TRIP11: variants seen among roughly 807,000 people sequenced by gnomAD.
The protein encoded by TRIP11 is thyroid hormone receptor interactor 11, also known as thyroid receptor-interacting protein 11.
A neutral mutation model predicts 223.1 loss-of-function variants in TRIP11; 148 were observed. The observed-to-expected ratio is 0.66, with a 90% CI of 0.58 to 0.76. The LOEUF is 0.76. Among genes scored for constraint, TRIP11 ranks in the 30% least tolerant of loss-of-function variants. The probability of loss-of-function intolerance (pLI) is 0.00; values close to 1 mark genes in which losing one functional copy is unlikely to be tolerated. For synonymous variants in TRIP11, 762 were observed against 772.6 expected, an observed-to-expected ratio of 0.99 and a Z score of 0.23; for missense variants, 2,043 against 2,222.0, an observed-to-expected ratio of 0.92 and a Z score of 1.62.
rs1015650811 is a variant in TRIP11, at chr14:92,037,659, C to T, written c.139+1888G>A. On this transcript the variant is annotated intron_variant, in intron 1 of 20. Transcript: ENST00000267622. This position sits in a 1 kb window ranked among gnomAD's most constrained non-coding sequence, Gnocchi z 4.2. ...GAGGCCAAGGCAGGAGGATCACCTG[C>T]GGTCTCAGGAGTTCGAGATCAGCCT... Among the ~76,000 whole-genome samples the T allele has an allele frequency of 3.3e-5, 5 of 152,070 alleles. No individual in the cohort carries two copies. The highest frequency in any genetic ancestry group is 2.1e-4 in the South Asian group (1 of 4,828).
intron 11 of TRIP11, among the ~76,000 whole-genome samples, chr14:92,002,862 T>C (rs1388962030): frequency 1.1e-4 from 17 of 152,156 alleles, no homozygotes; most frequent in Admixed American, 1.1e-3. Flanking sequence ...ATTACAGGCA[T>C]GAGCCACCGC....
chr14:92,018,482 CAAAGCT>C (rs1225302649), intron 4 of TRIP11, among the ~76,000 whole-genome samples: 1 of 151,952 alleles, frequency 6.6e-6, no homozygotes, highest in Non-Finnish European at 1.5e-5. Flanking sequence ...TCTTCTCATT[CAAAGCT>C]GTATGTTGTT....
chr14:92,026,142 T>A (rs1457736686), intron 2 of TRIP11, among the ~76,000 whole-genome samples: 1 of 152,188 alleles, frequency 6.6e-6, no homozygotes, highest in East Asian at 1.9e-4. Context: ...CTGGTTGAAG[T>A]ACAGGGAGGA....
chr14:92,003,737 G>A lies in TRIP11; in HGVS notation c.4239C>T (p.Asp1413=). 1.2e-6 allele frequency: 2 copies of A among 1,614,122 alleles called. No homozygotes were observed. The highest frequency in any genetic ancestry group is 1.7e-6 in the Non-Finnish European group (2 of 1,180,010). The change falls in exon 11 of 21, where the codon GAC becomes GAT. Residue 1413 remains aspartate (D), a synonymous_variant. Coordinates refer to ENST00000267622, the MANE Select transcript of TRIP11 (RefSeq NM_004239.4). ...GATCACTTTTGGCTTTGATTAAGAG[G>A]TCTTTTTCCTTAAGTAACTTTTGCA... ...DVLQKLLKEK[D]LLIKAKSDQL... is the part of the protein sequence containing the mutation.
In TRIP11 at chr14:92,004,372, T is replaced by A. The variant is rs41301481; in HGVS notation, c.3604A>T (p.Asn1202Tyr). ...TGNEAGGVNS[N>Y]QFEELLQERD... ...TCCTGTAGAAGCTCCTCAAATTGAT[T>A]ACTATTAACACCTCCAGCCTCATTA... The change falls in exon 11 of 21, where the codon AAT becomes TAT. Residue 1202 changes from asparagine (N) to tyrosine (Y), a missense_variant. Transcript: ENST00000267622. The A allele has an allele frequency of 6.2e-7, 1 of 1,614,010 alleles. No individual in the cohort carries two copies. The highest frequency in any genetic ancestry group is 1.3e-5 in the African/African-American group (1 of 74,946).
rs2056866421 is a variant in TRIP11 at position 92,004,166 on chromosome 14, C to T, written c.3810G>A (p.Leu1270=). Reference sequence around the variant, plus strand: ...TTTCATTCTGCTCATAACTTTGGATCAGGCCAGTATAGTCCACTTGTAATT... The same window carrying T: ...TTTCATTCTGCTCATAACTTTGGATTAGGCCAGTATAGTCCACTTGTAATT... ...NSKLQVDYTG[L]IQSYEQNETK... The change falls in exon 11 of 21, where the codon CTG becomes CTA. Residue 1270 remains leucine, a synonymous_variant. Transcript: ENST00000267622. 1.2e-6 allele frequency: 2 copies of T among 1,614,150 alleles called. No individual in the cohort carries two copies. The highest frequency in any genetic ancestry group is 1.7e-6 in the Non-Finnish European group (2 of 1,180,044).
At chr14:92,026,544 C>T (rs1042344036) in intron 2 of TRIP11, 14 of 1,246,576 alleles carry the variant, frequency 1.1e-5, no homozygotes, top group East Asian at 2.3e-5. Context: ...TCCCCTGCAT[C>T]GGATCACTGG....
chr14:91,987,935 G>C (rs971133967), intron 16 of TRIP11, among the ~76,000 whole-genome samples: 3 of 152,198 alleles, frequency 2.0e-5, no homozygotes, highest in African/African-American at 7.2e-5. Context: ...TTCTCTAACA[G>C]ATCAGATGGC....
rs1272798258 is a variant in TRIP11 at position 91,985,838 on chromosome 14, C to T, written c.5260+2446G>A. Among the ~76,000 whole-genome samples the T allele has an allele frequency of 3.3e-5, 5 of 152,194 alleles. 1 individual carries two copies. The East Asian group carries it at 7.7e-4, about 23-fold the overall frequency. On this transcript the variant is annotated intron_variant, in intron 16 of 20. Transcript: ENST00000267622. ...ATGATCTAGGAGAGAAAATATACAGCGATTCTTTTGAAACAAGTGAGCTAA... is the reference window on the plus strand; with the variant it reads ...ATGATCTAGGAGAGAAAATATACAGTGATTCTTTTGAAACAAGTGAGCTAA...
chr14:92,025,516 C>G lies in TRIP11; in HGVS notation c.202-96G>C, dbSNP rs79684725. On this transcript the variant is annotated intron_variant, in intron 2 of 20. Coordinates refer to ENST00000267622, the MANE Select transcript of TRIP11 (RefSeq NM_004239.4). ...ATGAAAAACGTACTGCTTTCCCCCC[C>G]CAAAAATGTCAAATATAAAAGGTCT... 96 of 797,158 alleles carry G rather than the reference C, an allele frequency of 1.2e-4. 4 individuals are homozygous for G. Among genetic ancestry groups the G allele is most frequent in the South Asian group, 6.3e-4 (41 of 65,022 alleles). 49.4% of individuals were successfully genotyped at this position (797,158 alleles called of 1,614,324 possible).
At chr14:92,029,272 A>G (rs1018285790) in intron 2 of TRIP11, among the ~76,000 whole-genome samples, 1 of 144,638 alleles carries the variant, frequency 6.9e-6, no homozygotes, top group Non-Finnish European at 1.5e-5. Context: ...TGCATTGCCC[A>G]AAGTATTATT....
chr14:91,995,285 C>A, intron 14 of TRIP11, 67 bp downstream of exon 14: 1 of 1,597,802 alleles, frequency 6.3e-7, no homozygotes, highest in South Asian at 1.1e-5. Flanking sequence ...TAAAATAGCT[C>A]TCAAATTAGG....
At chr14:92,025,586 A>T (rs1237237321) in intron 2 of TRIP11, among the ~76,000 whole-genome samples, 166 bp from the exon 3 acceptor site, 1 of 151,344 alleles carries the variant, frequency 6.6e-6, no homozygotes, top group Non-Finnish European at 1.5e-5. Flanking sequence ...AATTAAAGTT[A>T]AAAATGCACT....
At chr14:92,020,352 T>C (rs2057095731) in intron 4 of TRIP11, among the ~76,000 whole-genome samples, 4 of 152,112 alleles carry the variant, frequency 2.6e-5, no homozygotes. Context: ...TCATCCTGTA[T>C]AAAATCTGAT....
At chr14:92,027,809 T>G (rs918971291) in intron 2 of TRIP11, among the ~76,000 whole-genome samples, 53 of 152,216 alleles carry the variant, frequency 3.5e-4, no homozygotes, top group African/African-American at 1.1e-3. Context: ...TTCTAGGAAC[T>G]TCTGATGTCA....
At position 92,021,418 on chromosome 14, in the gene TRIP11, C is replaced by G. The variant is rs900654733; in HGVS notation, c.588+138G>C. ...AAAAAAAAAAAAAGAAAGAAAGTCACTGACGGAATTAGAATACACCTTTTC... is the reference window on the plus strand; with the variant it reads ...AAAAAAAAAAAAAGAAAGAAAGTCAGTGACGGAATTAGAATACACCTTTTC... On this transcript the variant is annotated intron_variant, in intron 4 of 20. Transcript: ENST00000267622. The G allele has an allele frequency of 2.0e-5, 15 of 743,450 alleles. No individual in the cohort carries two copies. In the African/African-American group the frequency reaches 2.7e-4, roughly 13 times the overall value. 46.1% of individuals were successfully genotyped at this position (743,450 alleles called of 1,614,324 possible). A position where few individuals can be genotyped will look rare whatever the true frequency, so the allele number is the denominator to read the frequency against.
intron 4 of TRIP11, among the ~76,000 whole-genome samples, chr14:92,020,472 TATCA>T (rs939250436): frequency 6.6e-6 from 1 of 152,126 alleles, no homozygotes; most frequent in African/African-American, 2.4e-5. Flanking sequence ...TATTTTATAA[TATCA>T]ATTACCAGAT....
At chr14:92,026,752 G>T in intron 2 of TRIP11, 1 of 1,108,620 alleles carries the variant, frequency 9.0e-7, no homozygotes, top group South Asian at 1.3e-5. Context: ...GGAGGAGGAA[G>T]AAGAAGGTGA....
Position 91,983,899 on chromosome 14 carries a change from C to T in TRIP11, c.5260+4385G>A, listed in dbSNP as rs543735291. On this transcript the variant is annotated intron_variant, in intron 16 of 20. Transcript: ENST00000267622. ...AAATAAAAACTTTACCATCCAGCAC[C>T]GTAAAGGTAGTTCCACGAAAAATAT... Among the ~76,000 whole-genome samples, 6 of 152,244 alleles carry T rather than the reference C, an allele frequency of 3.9e-5. No individual in the cohort carries two copies. The East Asian group carries it at 1.2e-3, about 29-fold the overall frequency.
Sources: gnomAD v4.1 joint callset for allele counts (sites outside exome capture counted in the v4.1 genomes callset) on GRCh38, gnomAD v4.1.1 for gene constraint, Gnocchi (gnomAD v3.1) non-coding constraint, MANE v1.5 for transcripts, NCBI Gene and HGNC (gene_info 2026-07-23, HGNC 2026-07-21) for gene names.